Variants in EPHB6 observed in about 807,000 individuals in gnomAD.
EPHB6 encodes the protein EPH receptor B6.
Under a neutral mutation model 107.0 loss-of-function variants are expected in EPHB6, and 51 were observed. The ratio of observed to expected loss-of-function variants is 0.48; its 90% confidence interval spans 0.38 to 0.60. EPHB6 has a LOEUF of 0.60. Among genes scored for constraint, EPHB6 ranks in the 20% least tolerant of loss-of-function variants. EPHB6 has a pLI of 0.00. For missense variants in EPHB6, 1,141 were observed against 1,355.5 expected (o/e 0.84, Z 2.48); for synonymous variants, 553 against 549.0 (o/e 1.01, Z -0.10).
rs1192175530 is a variant in EPHB6 at position 142,855,305 on chromosome 7, A to T, written c.-512A>T. 1 of 152,048 alleles carries T rather than the reference A, an allele frequency of 6.6e-6. No individual in the cohort carries two copies. The highest frequency in any genetic ancestry group is 1.5e-5 in the Non-Finnish European group (1 of 68,028). The allele number at this position is 152,048 out of a possible 1,614,324, so 9.4% of individuals were successfully genotyped here. A position where few individuals can be genotyped will look rare whatever the true frequency, so the allele number is the denominator to read the frequency against. On this transcript the variant is annotated 5_prime_UTR_variant, in exon 1 of 20. Coordinates refer to ENST00000652003, the MANE Select transcript of EPHB6 (RefSeq NM_004445.6). This position sits in a 1 kb window ranked among gnomAD's most constrained non-coding sequence, Gnocchi z 4.2. ...CCGGACTGGAGAAGACGCGGGTGGC[A>T]CCGTGCGAGCTCCAGGAGCCCCGGG...
At chr7:142,857,777 G>T (rs946321422) in intron 1 of EPHB6, among the ~76,000 whole-genome samples, 8 of 152,212 alleles carry the variant, frequency 5.3e-5, no homozygotes, top group African/African-American at 1.9e-4. Context: ...TCATCCCTTT[G>T]CTTGACATCG....
rs371765409 is a variant in EPHB6, at chr7:142,868,559, C to A, written c.2106C>A (p.Ile702=). 446 of 1,613,490 alleles carry A rather than the reference C, an allele frequency of 2.8e-4. No individual in the cohort carries two copies. The highest frequency in any genetic ancestry group is 3.7e-4 in the Non-Finnish European group (434 of 1,179,996). ...PRGRREQTVA[I]QALWAGGAES... is the part of the protein sequence containing the mutation. ...GACGGAGGGAGCAGACTGTGGCCATCCAGGCCCTGTGGGCCGGGGGCGCCG... is the reference window on the plus strand; with the variant it reads ...GACGGAGGGAGCAGACTGTGGCCATACAGGCCCTGTGGGCCGGGGGCGCCG... The change falls in exon 15 of 20, where the codon ATC becomes ATA. Residue 702 remains isoleucine (I), a synonymous_variant. Transcript: ENST00000652003. This position sits in a 1 kb window ranked among gnomAD's most constrained non-coding sequence, Gnocchi z 4.2.
chr7:142,863,414 T>C, intron 5 of EPHB6, 87 bp downstream of exon 5: 2 of 1,388,078 alleles, frequency 1.4e-6, no homozygotes, highest in Non-Finnish European at 2.1e-6. Flanking sequence ...AAAAGGTAGA[T>C]AAGAGTGAAG....
At position 142,864,162 on chromosome 7, in the gene EPHB6, G is replaced by T. The variant is rs1211360519; in HGVS notation, c.362G>T (p.Gly121Val). 1 of 1,613,924 alleles carries T rather than the reference G, an allele frequency of 6.2e-7. No homozygotes were observed. The highest frequency in any genetic ancestry group is 1.3e-5 in the African/African-American group (1 of 75,072). Residue 121 changes from glycine (G) to valine (V), a missense_variant, in exon 7 of 20, where the codon GGC (glycine) becomes GTC (valine). By Grantham distance (109) the Gly-to-Val change is moderately radical (BLOSUM62 -3). This residue lies in a region of EPHB6 where 221 missense variants were observed against 300.5 expected (regional missense o/e 0.74). Coordinates refer to ENST00000652003, the MANE Select transcript of EPHB6 (RefSeq NM_004445.6). ...VRACSSLGVS[G>V]GTCRETFTLY... ...GCATGCTCCAGCCTGGGTGTGAGCG[G>T]CGGCACCTGCCGGGAGACCTTCACC...
intron 6 of EPHB6, 32 bp downstream of exon 6, chr7:142,863,727 C>T (rs2116411804): frequency 6.2e-7 from 1 of 1,608,082 alleles, no homozygotes. Context: ...AACCTGAATC[C>T]CTTGGCCCTG....
chr7:142,867,610 G>A lies in EPHB6; in HGVS notation c.1753G>A (p.Glu585Lys), dbSNP rs1794672937. 2.5e-6 allele frequency: 4 copies of A among 1,611,344 alleles called. No individual in the cohort carries two copies. Among genetic ancestry groups the A allele is most frequent in the African/African-American group, 1.3e-5 (1 of 74,892 alleles). The change falls in exon 12 of 20, where the codon GAG becomes AAG. Residue 585 changes from glutamate to lysine, a missense_variant and splice_region_variant. Transcript: ENST00000652003. This position sits in a 1 kb window ranked among gnomAD's most constrained non-coding sequence, Gnocchi z 5.3. ...GACCCTGTCGGCTGGTCCCCCAGGGGAGCTGTCTTCCCAGCTTCCAGAAAG... is the reference window on the plus strand; with the variant it reads ...GACCCTGTCGGCTGGTCCCCCAGGGAAGCTGTCTTCCCAGCTTCCAGAAAG... ...KVYFQTLPQG[E>K]LSSQLPERLS...
chr7:142,857,833 T>G (rs1051634448), intron 1 of EPHB6, among the ~76,000 whole-genome samples: 44 of 152,216 alleles, frequency 2.9e-4, no homozygotes, highest in African/African-American at 1.0e-3. Context: ...AGTTGGAACT[T>G]CTTGGGAGAC....
chr7:142,863,054 T>C, intron 4 of EPHB6, 73 bp from the exon 5 acceptor site: 1 of 612,172 alleles, frequency 1.6e-6, no homozygotes, highest in South Asian at 2.0e-5. Flanking sequence ...GGGGTCAGCT[T>C]TTGGAGCTTG....
chr7:142,865,943 A>ATCCTCC lies in EPHB6; in HGVS notation c.1106-16_1106-11dup, dbSNP rs746755380. 1.2e-6 allele frequency: 2 copies of ATCCTCC among 1,612,664 alleles called. No homozygotes were observed. The highest frequency in any genetic ancestry group is 1.7e-4 in the Middle Eastern group (1 of 5,876). ...GCCCTCTTGGCCCTTGGACTGCCAT[A>ATCCTCC]TCCTCCGGCCCCCCAGGTCCTCCAT... On this transcript the variant is annotated splice_polypyrimidine_tract_variant and intron_variant, in intron 8 of 19. Coordinates refer to ENST00000652003, the MANE Select transcript of EPHB6 (RefSeq NM_004445.6).
At chr7:142,870,069 A>G in intron 17 of EPHB6, 103 bp downstream of exon 17, 1 of 1,553,806 alleles carries the variant, frequency 6.4e-7, no homozygotes, top group South Asian at 1.1e-5. Context: ...CTAAGATCTC[A>G]TGGCTGTTGG....
At chr7:142,863,793 A>C (rs941592402) in intron 6 of EPHB6, 98 bp downstream of exon 6, 5 of 1,505,938 alleles carry the variant, frequency 3.3e-6, no homozygotes, top group African/African-American at 1.4e-5. Context: ...GGTGAGGATT[A>C]TGGGAAAAGG....
chr7:142,864,638 G>C lies in EPHB6; in HGVS notation c.838G>C (p.Gly280Arg). The change falls in exon 7 of 20, where the codon GGC becomes CGC. Residue 280 changes from glycine to arginine, a missense_variant. Physicochemically the swap from Gly to Arg is moderately radical, Grantham distance 125. Transcript: ENST00000652003. ...GGATGGAGTAGGGGGCCAGGCAGGA[G>C]GCAGCCCCCCCAGGCTGCACTGCAA... Reference protein sequence around the residue: ...EEDGVGGQAGGSPPRLHCNGE... With the variant: ...EEDGVGGQAGRSPPRLHCNGE... 1 of 1,612,370 alleles carries C rather than the reference G, an allele frequency of 6.2e-7. No homozygotes were observed. The highest frequency in any genetic ancestry group is 8.5e-7 in the Non-Finnish European group (1 of 1,179,476).
rs768323053 is a variant in EPHB6, at chr7:142,867,110, A to C, written c.1750+42A>C. On this transcript the variant is annotated intron_variant, in intron 11 of 19. Coordinates refer to ENST00000652003, the MANE Select transcript of EPHB6 (RefSeq NM_004445.6). This position sits in a 1 kb window ranked among gnomAD's most constrained non-coding sequence, Gnocchi z 5.3. ...GGCCAGATGGGCAGGTGAAGGCCCA[A>C]GTGGGTAGTGAGGAGAGGCCCAGGG... is the stretch of plus-strand genomic sequence containing the variant. 1 of 1,601,554 alleles carries C rather than the reference A, an allele frequency of 6.2e-7. No homozygotes were observed. Among genetic ancestry groups the C allele is most frequent in the African/African-American group, 1.3e-5 (1 of 74,774 alleles).
Position 142,863,285 on chromosome 7 carries a change from C to T in EPHB6, c.58C>T (p.Leu20=). 1 of 1,613,856 alleles carries T rather than the reference C, an allele frequency of 6.2e-7. No individual in the cohort carries two copies. The highest frequency in any genetic ancestry group is 1.3e-5 in the African/African-American group (1 of 74,948). The change falls in exon 5 of 20, where the codon CTA becomes TTA. Residue 20 remains leucine (L), a synonymous_variant. Transcript: ENST00000652003. ...GNRVAGMVCS[L]WVLLLVSSVL... is the part of the protein sequence containing the mutation. ...CAGAGTGGCGGGCATGGTGTGTAGC[C>T]TATGGGTGCTGCTCCTGGTGTCTTC...
chr7:142,870,725 C>T (rs904827642), intron 19 of EPHB6, 40 bp downstream of exon 19: 4 of 1,614,032 alleles, frequency 2.5e-6, no homozygotes, highest in Admixed American at 1.7e-5. Context: ...ATGCTCCAGG[C>T]CCCTGGCTGG....
In EPHB6 at chr7:142,865,494, T is replaced by G. The variant is rs747000839; in HGVS notation, c.969T>G (p.Tyr323Ter). The stretch of plus-strand genomic sequence containing the variant: ...CCTCAGCCTGCCCACGGGGGCTCTA[T>G]AAGGCTTCTGCTGGGAATGCTCCCT... Reference protein sequence around the residue: ...KACQACPRGLYKASAGNAPCS... With the variant: ...KACQACPRGL Residue 323 changes from tyrosine (Y) to a stop codon, truncating the protein, a stop_gained, in exon 8 of 20, where the codon TAT (tyrosine) becomes TAG (stop). Coordinates refer to ENST00000652003, the MANE Select transcript of EPHB6 (RefSeq NM_004445.6). LOFTEE classifies it high-confidence loss of function. 1 of 1,613,404 alleles carries G rather than the reference T, an allele frequency of 6.2e-7. No individual in the cohort carries two copies. Among genetic ancestry groups the G allele is most frequent in the Non-Finnish European group, 8.5e-7 (1 of 1,179,988 alleles).
In EPHB6 at chr7:142,866,556, A is replaced by G; in HGVS notation, c.1538A>G (p.Asp513Gly). The G allele has an allele frequency of 6.2e-7, 1 of 1,614,108 alleles. No individual in the cohort carries two copies. The highest frequency in any genetic ancestry group is 8.5e-7 in the Non-Finnish European group (1 of 1,180,024). Residue 513 changes from aspartate to glycine, a missense_variant, in exon 10 of 20, where the codon GAC (aspartate) becomes GGC (glycine). Physicochemically the swap from Asp to Gly is moderately conservative, Grantham distance 94. This residue lies in a region of EPHB6 where 616 missense variants were observed against 759.3 expected (regional missense o/e 0.81). Transcript: ENST00000652003. The surrounding 1 kb of genome is among the most constrained non-coding windows in gnomAD (Gnocchi z 5.2). ...ATCACGGTGTCCTGGCCGCAGCCCG[A>G]CCAGACCAATGGGAACATCCTGGAC... ...NSITVSWPQP[D>G]QTNGNILDYQ...
At position 142,868,998 on chromosome 7, in the gene EPHB6, C is replaced by T. The variant is rs911179928; in HGVS notation, c.2311C>T (p.Leu771=). Residue 771 remains leucine, a synonymous_variant, in exon 16 of 20, where the codon CTG becomes TTG. Coordinates refer to ENST00000652003, the MANE Select transcript of EPHB6 (RefSeq NM_004445.6). The surrounding 1 kb of genome is among the most constrained non-coding windows in gnomAD (Gnocchi z 4.2). The part of the protein sequence containing the change: ...LRQREGQFSS[L]QLVAMQRGVA... Reference sequence around the variant, plus strand: ...GCAGCGGGAGGGCCAGTTCAGCAGCCTGCAGCTGGTGGCCATGCAGCGGGG... The same window carrying T: ...GCAGCGGGAGGGCCAGTTCAGCAGCTTGCAGCTGGTGGCCATGCAGCGGGG... 1.2e-6 allele frequency: 2 copies of T among 1,611,014 alleles called. No individual in the cohort carries two copies. The highest frequency in any genetic ancestry group is 1.7e-6 in the Non-Finnish European group (2 of 1,179,924).
rs1420245439 is a variant in EPHB6, at chr7:142,866,977, T to C, written c.1659T>C (p.Pro553=). Residue 553 remains proline, a synonymous_variant, in exon 11 of 20, where the codon CCT becomes CCC. Transcript: ENST00000652003. This position sits in a 1 kb window ranked among gnomAD's most constrained non-coding sequence, Gnocchi z 5.2. ...TNTATVTQLS[P]GHIYGFQVRA... ...CTGCCACCGTGACACAGCTGAGCCC[T>C]GGCCACATCTATGGTTTCCAGGTGC... 4 of 1,612,894 alleles carry C rather than the reference T, an allele frequency of 2.5e-6. No homozygotes were observed. In the South Asian group the frequency reaches 4.4e-5, roughly 18 times the overall value.
Sources: allele counts gnomAD v4.1 joint callset (sites outside exome capture counted in the v4.1 genomes callset), GRCh38; gene constraint gnomAD v4.1.1; regional missense constraint gnomAD v4.1.1; non-coding constraint Gnocchi (gnomAD v3.1); transcripts MANE v1.5; gene names NCBI Gene and HGNC (gene_info 2026-07-23, HGNC 2026-07-21).